Variants in WDR47 observed in about 807,000 individuals in gnomAD.
The protein encoded by WDR47 is WD repeat domain 47.
Under a neutral mutation model 97.2 loss-of-function variants are expected in WDR47, and 32 were observed. The ratio of observed to expected loss-of-function variants is 0.33; its 90% CI spans 0.25 to 0.44. The LOEUF (loss-of-function observed/expected upper bound fraction) is 0.44. Among genes scored for constraint, WDR47 ranks in the 20% least tolerant of loss-of-function variants. The pLI, the probability that WDR47 is intolerant of heterozygous loss-of-function variation, is 1.00. For missense variants in WDR47, 782 were observed against 1,102.3 expected (o/e 0.71, Z 4.11); for synonymous variants, 375 against 373.5 (o/e 1.00, Z -0.05).
intron 13 of WDR47, among the ~76,000 whole-genome samples, chr1:108,975,349 C>T (rs746661661): frequency 1.3e-5 from 2 of 151,558 alleles, no homozygotes; most frequent in Non-Finnish European, 2.9e-5. Context: ...ACAGGCTGGG[C>T]GCGGTGGCTC....
At chr1:108,985,976 C>CAAAAAAAAAAAAAAAA (rs35165386) in intron 10 of WDR47, among the ~76,000 whole-genome samples, 1 of 96,178 alleles carries the variant, frequency 1.0e-5, no homozygotes, top group Non-Finnish European at 2.2e-5. Flanking sequence ...ATAGAGATAG[C>CAAAAAAAAAAAAAAAA]AAAAAAAAAA....
At chr1:108,999,286 G>A (rs941886774) in intron 7 of WDR47, among the ~76,000 whole-genome samples, 8 of 151,378 alleles carry the variant, frequency 5.3e-5, no homozygotes, top group Admixed American at 5.3e-4. Context: ...TTAAGAGAAT[G>A]ACAGAAAATT....
chr1:109,000,193 CAG>C (rs1660072900), intron 7 of WDR47, among the ~76,000 whole-genome samples: 1 of 151,714 alleles, frequency 6.6e-6, no homozygotes, highest in Non-Finnish European at 1.5e-5. Context: ...CCTAACATGA[CAG>C]AGCAAGACTC....
rs775638290 is a variant in WDR47, at chr1:108,971,421, C to A, written c.*9G>T. The A allele has an allele frequency of 1.2e-6, 2 of 1,613,690 alleles. No individual in the cohort carries two copies. Among genetic ancestry groups the A allele is most frequent in the East Asian group, 2.2e-5 (1 of 44,890 alleles). On this transcript the variant is annotated 3_prime_UTR_variant, in exon 15 of 15. Coordinates refer to ENST00000369962, the MANE Select transcript of WDR47 (RefSeq NM_001142551.2). ...TGCTTTTGCTGCATAGACTGACATG[C>A]GGTGTGCTCTACCCATTGTAAGTCC...
intron 2 of WDR47, among the ~76,000 whole-genome samples, chr1:109,017,816 G>A (rs999795288): frequency 4.0e-5 from 6 of 150,732 alleles, no homozygotes; most frequent in South Asian, 2.1e-4. Flanking sequence ...GCACAATCTC[G>A]GCTCACTGCA....
At chr1:109,026,316 G>A (rs1662212682) in intron 1 of WDR47, among the ~76,000 whole-genome samples, 1 of 149,212 alleles carries the variant, frequency 6.7e-6, no homozygotes, top group Non-Finnish European at 1.5e-5. Context: ...ATCCCAAAGT[G>A]TTGGGATTAC....
At chr1:109,016,647 G>A (rs959617272) in intron 3 of WDR47, among the ~76,000 whole-genome samples, 6 of 152,148 alleles carry the variant, frequency 3.9e-5, no homozygotes, top group Admixed American at 6.5e-5. Context: ...AGGGGAGAAA[G>A]AGTTTGCATT....
At chr1:109,004,215 A>C (rs1660414424) in intron 6 of WDR47, among the ~76,000 whole-genome samples, 1 of 151,848 alleles carries the variant, frequency 6.6e-6, no homozygotes, top group South Asian at 2.1e-4. Context: ...CAGTGAGCCG[A>C]GATCGCACCA....
Position 109,000,765 on chromosome 1 carries a change from C to T in WDR47, c.1433+1459G>A, listed in dbSNP as rs536034978. ...GAAGACAGGATCAATTTCAGGCTCA[C>T]TGACTTACACAACACTCAGAGTTGT... is the stretch of plus-strand genomic sequence containing the variant. On this transcript the variant is annotated intron_variant, in intron 7 of 14. Transcript: ENST00000369962. Among the ~76,000 whole-genome samples, 5 of 152,066 alleles carry T rather than the reference C, an allele frequency of 3.3e-5. 1 individual carries two copies. The highest frequency in any genetic ancestry group is 6.3e-3 in the Middle Eastern group (2 of 316).
intron 1 of WDR47, among the ~76,000 whole-genome samples, chr1:109,036,428 C>T (rs767219604): frequency 2.7e-5 from 4 of 150,308 alleles, no homozygotes; most frequent in Non-Finnish European, 4.4e-5. Context: ...AAAAATTAGC[C>T]GGGCTTGGTA....
At chr1:109,002,483 GAATAA>G (rs1281734286) in intron 6 of WDR47, 81 bp from the exon 7 acceptor site, 25 of 1,095,560 alleles carry the variant, frequency 2.3e-5, no homozygotes, top group South Asian at 1.0e-4. Flanking sequence ...TATAAATGCT[GAATAA>G]AATATACAAT....
At chr1:109,000,350 A>T (rs1358486253) in intron 7 of WDR47, among the ~76,000 whole-genome samples, 1 of 151,536 alleles carries the variant, frequency 6.6e-6, no homozygotes, top group Non-Finnish European at 1.5e-5. Context: ...CTCCACTAAA[A>T]ATACAAAAAT....
Position 108,971,497 on chromosome 1 carries a change from G to C in WDR47, c.2693C>G (p.Thr898Ser). The C allele has an allele frequency of 6.2e-7, 1 of 1,614,174 alleles. No homozygotes were observed. The highest frequency in any genetic ancestry group is 8.5e-7 in the Non-Finnish European group (1 of 1,180,026). The change falls in exon 15 of 15, where the codon ACC becomes AGC. Residue 898 changes from threonine to serine, a missense_variant. Physicochemically the swap from Thr to Ser is moderately conservative, Grantham distance 58. This residue lies in a region of WDR47 where 228 missense variants were observed against 396.7 expected (regional missense o/e 0.57). Coordinates refer to ENST00000369962, the MANE Select transcript of WDR47 (RefSeq NM_001142551.2). ...KDKVIQCRWH[T>S]QDLSFLSSSA... is the part of the protein sequence containing the mutation. ...GGATGACAGGAAGGAAAGATCCTGG[G>C]TGTGCCATCTGCACTGAATCACTTT...
chr1:109,037,646 A>C (rs7538033), intron 1 of WDR47, among the ~76,000 whole-genome samples: 236 of 151,176 alleles, frequency 1.6e-3, no homozygotes, highest in Non-Finnish European at 2.2e-3. Context: ...AAAAAAAAAA[A>C]CCAACCCAAT....
intron 14 of WDR47, among the ~76,000 whole-genome samples, chr1:108,974,181 C>G (rs148103673): frequency 0.014 from 2,106 of 151,206 alleles, 55 homozygotes; most frequent in African/African-American, 0.048. Context: ...GGCGACAGAG[C>G]GAGACCCTGT....
chr1:109,025,550 A>G (rs978054568), intron 1 of WDR47, among the ~76,000 whole-genome samples: 14 of 152,030 alleles, frequency 9.2e-5, no homozygotes, highest in African/African-American at 2.2e-4. Context: ...CCTGGCCAAC[A>G]TGGTGAAACC....
intron 3 of WDR47, among the ~76,000 whole-genome samples, chr1:109,015,824 A>C (rs1174155327): frequency 6.6e-6 from 1 of 151,236 alleles, no homozygotes; most frequent in Non-Finnish European, 1.5e-5. Context: ...CATTTCTAAC[A>C]ATACAAAAAT....
At chr1:108,974,173 C>T (rs9727427) in intron 14 of WDR47, among the ~76,000 whole-genome samples, 62,216 of 151,702 alleles carry the variant, frequency 0.41, 13,195 homozygotes, top group East Asian at 0.64. Flanking sequence ...CCAGCCTGGG[C>T]GACAGAGCGA....
intron 10 of WDR47, among the ~76,000 whole-genome samples, chr1:108,983,696 TA>T (rs35018515): frequency 1.6e-4 from 23 of 148,152 alleles, no homozygotes; most frequent in African/African-American, 2.0e-4. Context: ...ATATACGACT[TA>T]AAAAAAAAAT....
Sources: allele counts gnomAD v4.1 joint callset (sites outside exome capture counted in the v4.1 genomes callset), GRCh38; gene constraint gnomAD v4.1.1; regional missense constraint gnomAD v4.1.1; transcripts MANE v1.5; gene names NCBI Gene and HGNC (gene_info 2026-07-23, HGNC 2026-07-21).